SGCD: variants seen among roughly 807,000 people sequenced by gnomAD.
SGCD encodes the protein delta-sarcoglycan.
A neutral mutation model predicts 36.6 loss-of-function variants in SGCD; 18 were observed. The observed-to-expected ratio is 0.49, with a 90% confidence interval of 0.34 to 0.73. The LOEUF is 0.73. Ranked by LOEUF, SGCD falls within the 30% of genes least tolerant of loss-of-function variation. The pLI, the probability that SGCD is intolerant of heterozygous loss-of-function variation, is 0.01. For missense variants in SGCD, 387 were observed against 346.7 expected (o/e 1.12, Z -0.92); for synonymous variants, 133 against 130.6 (o/e 1.02, Z -0.12).
chr5:156,222,585 G>A (rs984590699), intron 3 of SGCD, among the ~76,000 whole-genome samples: 1 of 152,042 alleles, frequency 6.6e-6, no homozygotes, highest in African/African-American at 2.4e-5. Context: ...AAGTAAAGTG[G>A]TCAAAGCCAC....
At chr5:155,817,636 T>C in the SGCD span, among the ~76,000 whole-genome samples, 1 of 152,180 alleles carries the variant, frequency 6.6e-6, no homozygotes, top group African/African-American at 2.4e-5. Flanking sequence ...ATAATAAGAA[T>C]TATTTAAAGG....
chr5:155,771,164 C>T, the SGCD span, among the ~76,000 whole-genome samples: 1 of 152,078 alleles, frequency 6.6e-6, no homozygotes, highest in African/African-American at 2.4e-5. Flanking sequence ...TGCAGTCATT[C>T]AGTTTGTTAA....
the SGCD span, among the ~76,000 whole-genome samples, chr5:155,846,735 A>G: frequency 1.3e-5 from 2 of 152,332 alleles, no homozygotes; most frequent in Admixed American, 6.5e-5. Context: ...GTATAACACA[A>G]AGTAAAGAAA....
At chr5:156,649,611 T>A (rs1174968517) in intron 7 of SGCD, among the ~76,000 whole-genome samples, 1 of 144,662 alleles carries the variant, frequency 6.9e-6, no homozygotes, top group South Asian at 2.1e-4. Context: ...TATCACAAGG[T>A]CAAAAAACCA....
In SGCD at chr5:156,371,834, T is replaced by C. The variant is rs565494502; in HGVS notation, c.192+27157T>C. 3.9e-5 allele frequency among the ~76,000 whole-genome samples: 6 copies of C among 152,344 alleles called. No individual in the cohort carries two copies. The South Asian group carries it at 1.2e-3, about 32-fold the overall frequency. On this transcript the variant is annotated intron_variant, in intron 3 of 8. Transcript: ENST00000337851. ...CCATGCCTTTGGGCCTGATGGTTTA[T>C]AGCACATCTTTGTCTTTTAAGTAAC...
At chr5:156,300,522 T>C (rs1767026764) in intron 3 of SGCD, among the ~76,000 whole-genome samples, 1 of 152,134 alleles carries the variant, frequency 6.6e-6, no homozygotes, top group South Asian at 2.1e-4. Context: ...ACTTGTTTTG[T>C]GACCTAACAT....
chr5:155,808,682 C>T, the SGCD span, among the ~76,000 whole-genome samples: 4 of 152,128 alleles, frequency 2.6e-5, no homozygotes, highest in African/African-American at 9.7e-5. Flanking sequence ...ATTATCTAGC[C>T]AATGGATTAT....
chr5:156,609,450 C>T (rs567551077), intron 6 of SGCD, among the ~76,000 whole-genome samples: 4 of 152,200 alleles, frequency 2.6e-5, no homozygotes, highest in East Asian at 1.9e-4. Context: ...GTGGGTAACC[C>T]GACCTTTCTC....
chr5:156,682,404 T>C (rs897789129), intron 7 of SGCD, among the ~76,000 whole-genome samples: 1 of 152,240 alleles, frequency 6.6e-6, no homozygotes, highest in Admixed American at 6.5e-5. Context: ...TAGGTTCTAA[T>C]GTGGACAAGT....
intron 4 of SGCD, among the ~76,000 whole-genome samples, chr5:156,518,517 A>G (rs1170086161): frequency 6.6e-6 from 1 of 152,184 alleles, no homozygotes; most frequent in East Asian, 1.9e-4. Context: ...CTCTCCATCC[A>G]CAAACAACAG....
chr5:156,369,161 G>T (rs757960722), intron 3 of SGCD, among the ~76,000 whole-genome samples: 1 of 152,172 alleles, frequency 6.6e-6, no homozygotes, highest in Non-Finnish European at 1.5e-5. Context: ...TCTCTTCATG[G>T]CAAGGGCCAC....
the SGCD span, among the ~76,000 whole-genome samples, chr5:155,739,186 G>T: frequency 6.6e-6 from 1 of 152,174 alleles, no homozygotes; most frequent in Non-Finnish European, 1.5e-5. Context: ...TGCCCTTGAA[G>T]AATATGGAGA....
At chr5:155,956,925 T>C (rs755208867) in intron 1 of SGCD, among the ~76,000 whole-genome samples, 13 of 152,038 alleles carry the variant, frequency 8.6e-5, no homozygotes, top group Non-Finnish European at 1.8e-4. Flanking sequence ...ATACATCTTT[T>C]TGGGGCTACA....
Position 155,993,142 on chromosome 5 carries a change from C to T in SGCD, c.-282+122718C>T, listed in dbSNP as rs938230122. Among the ~76,000 whole-genome samples, 9 of 152,204 alleles carry T rather than the reference C, an allele frequency of 5.9e-5. No homozygotes were observed. The East Asian group carries it at 1.7e-3, about 29-fold the overall frequency. ...CTTCCCTTGGAAACCACAATAAAGG[C>T]TCTTGCTCCCATTTTCCCTTCAGTC... is the stretch of plus-strand genomic sequence containing the variant. On this transcript the variant is annotated intron_variant, in intron 1 of 9. Coordinates refer to the SGCD transcript ENST00000517913.
At chr5:156,181,356 C>CAT (rs1763600867) in intron 3 of SGCD, among the ~76,000 whole-genome samples, 1 of 152,090 alleles carries the variant, frequency 6.6e-6, no homozygotes, top group East Asian at 1.9e-4. Flanking sequence ...TGTTCATGGA[C>CAT]TAAAAAACTT....
intron 7 of SGCD, among the ~76,000 whole-genome samples, chr5:156,753,493 C>T (rs141722082): frequency 6.6e-6 from 1 of 152,292 alleles, no homozygotes; most frequent in East Asian, 1.9e-4. Flanking sequence ...GAGTGATGCT[C>T]TCTGCAGTTT....
rs187024877 is a variant in SGCD at position 156,613,035 on chromosome 5, C to T, written c.502+17984C>T. On this transcript the variant is annotated intron_variant, in intron 6 of 8. Transcript: ENST00000337851. The stretch of plus-strand genomic sequence containing the variant: ...ATCACTCCTGGCTGCAAGTTAATCC[C>T]AGTAGAGGAGATAATGTGGCAGAGG... Among the ~76,000 whole-genome samples the T allele has an allele frequency of 4.2e-4, 64 of 152,278 alleles. 1 individual carries two copies. The East Asian group carries it at 0.012, about 28-fold the overall frequency.
chr5:156,637,623 A>G (rs185814327), intron 6 of SGCD, among the ~76,000 whole-genome samples: 2 of 152,276 alleles, frequency 1.3e-5, no homozygotes, highest in Non-Finnish European at 2.9e-5. Context: ...CCTAGCTTCA[A>G]GGGAGTCTGG....
intron 2 of SGCD, among the ~76,000 whole-genome samples, chr5:156,335,541 GTTC>G (rs1768304519): frequency 6.6e-6 from 1 of 152,106 alleles, no homozygotes. Context: ...CCATCATAGT[GTTC>G]TTGTTTATCT....
Sources: allele counts gnomAD v4.1 joint callset (sites outside exome capture counted in the v4.1 genomes callset), GRCh38; gene constraint gnomAD v4.1.1; transcripts MANE v1.5; gene names NCBI Gene and HGNC (gene_info 2026-07-23, HGNC 2026-07-21).